Variants in ZSWIM6 observed in about 807,000 individuals in gnomAD.
ZSWIM6 encodes the protein zinc finger SWIM domain-containing protein 6.
A neutral mutation model predicts 113.2 loss-of-function variants in ZSWIM6; 9 were observed. That is an observed-to-expected ratio of 0.08 (90% CI 0.05 to 0.14). ZSWIM6 has a LOEUF of 0.14. Ranked by LOEUF, ZSWIM6 falls within the 10% of genes least tolerant of loss-of-function variation. The pLI is 1.00. For synonymous variants in ZSWIM6, 611 were observed against 606.5 expected (o/e 1.01, Z -0.11); for missense variants, 1,162 against 1,552.2 (o/e 0.75, Z 4.22).
intron 9 of ZSWIM6, among the ~76,000 whole-genome samples, chr5:61,535,025 A>G (rs1282186954): frequency 1.3e-5 from 2 of 152,152 alleles, no homozygotes; most frequent in Non-Finnish European, 2.9e-5. Flanking sequence ...GATACAGAGC[A>G]CCATTTTCTG....
intron 1 of ZSWIM6, among the ~76,000 whole-genome samples, chr5:61,363,495 T>C (rs775837063): frequency 6.4e-4 from 98 of 152,218 alleles, no homozygotes; most frequent in Admixed American, 4.6e-4. Flanking sequence ...ATCTCATCTC[T>C]GATCCCAAAG....
intron 1 of ZSWIM6, among the ~76,000 whole-genome samples, chr5:61,356,928 A>C (rs74736625): frequency 6.6e-6 from 1 of 150,744 alleles, no homozygotes; most frequent in Non-Finnish European, 1.5e-5. Flanking sequence ...GGATTTTACT[A>C]TCCAGTTTAT....
chr5:61,336,871 T>G (rs1744410498), intron 1 of ZSWIM6, among the ~76,000 whole-genome samples: 1 of 152,118 alleles, frequency 6.6e-6, no homozygotes, highest in Non-Finnish European at 1.5e-5. Context: ...GGTAGAAAAC[T>G]TACAAAAATT....
intron 1 of ZSWIM6, among the ~76,000 whole-genome samples, chr5:61,388,030 T>C (rs1162376754): frequency 7.0e-6 from 1 of 142,424 alleles, no homozygotes; most frequent in Admixed American, 7.3e-5. Flanking sequence ...TTGCCCAGGC[T>C]GGAGTGCAGT....
At chr5:61,487,818 C>A (rs75650920) in intron 2 of ZSWIM6, among the ~76,000 whole-genome samples, 1 of 151,916 alleles carries the variant, frequency 6.6e-6, no homozygotes, top group Non-Finnish European at 1.5e-5. Flanking sequence ...TTGTATCATC[C>A]GTGAACAGGG....
intron 1 of ZSWIM6, among the ~76,000 whole-genome samples, chr5:61,418,578 A>C (rs1271799059): frequency 6.6e-6 from 1 of 151,884 alleles, no homozygotes; most frequent in African/African-American, 2.4e-5. Flanking sequence ...ATTTTTATTT[A>C]AATGAAACCT....
intron 1 of ZSWIM6, among the ~76,000 whole-genome samples, chr5:61,334,920 C>G (rs891700315): frequency 5.9e-5 from 9 of 151,854 alleles, no homozygotes; most frequent in African/African-American, 9.7e-5. Context: ...CCTCCCTCTC[C>G]CTGTGCTTGA....
At chr5:61,455,620 G>T (rs1747188698) in intron 1 of ZSWIM6, among the ~76,000 whole-genome samples, 1 of 152,192 alleles carries the variant, frequency 6.6e-6, no homozygotes, top group Admixed American at 6.5e-5. Context: ...AGGAGAGAGG[G>T]AGCAGACGGA....
At chr5:61,441,702 A>G (rs182972924) in intron 1 of ZSWIM6, among the ~76,000 whole-genome samples, 76 of 152,278 alleles carry the variant, frequency 5.0e-4, no homozygotes, top group African/African-American at 1.6e-3. Context: ...CCTGTAGTTA[A>G]GACTCAATTT....
At chr5:61,394,458 A>G (rs775362894) in intron 1 of ZSWIM6, among the ~76,000 whole-genome samples, 1 of 152,202 alleles carries the variant, frequency 6.6e-6, no homozygotes, top group Non-Finnish European at 1.5e-5. Flanking sequence ...TTCCTCCAGT[A>G]TTGACTGTTT....
chr5:61,403,145 T>C (rs1353362323), intron 1 of ZSWIM6, among the ~76,000 whole-genome samples: 2 of 152,236 alleles, frequency 1.3e-5, no homozygotes, highest in African/African-American at 2.4e-5. Flanking sequence ...TCAGACTTAA[T>C]TGAGGACACA....
At chr5:61,494,120 C>A in intron 3 of ZSWIM6, 140 bp from the exon 4 acceptor site, 1 of 895,236 alleles carries the variant, frequency 1.1e-6, no homozygotes, top group Non-Finnish European at 1.6e-6. Flanking sequence ...GCCTATCCTC[C>A]ACCACACACA....
At chr5:61,390,324 T>C (rs527600081) in intron 1 of ZSWIM6, among the ~76,000 whole-genome samples, 7 of 152,368 alleles carry the variant, frequency 4.6e-5, no homozygotes, top group Admixed American at 3.3e-4. Context: ...GGAATAAAAT[T>C]ACTAGAATTC....
intron 1 of ZSWIM6, among the ~76,000 whole-genome samples, chr5:61,400,482 G>C (rs1745923134): frequency 6.6e-6 from 1 of 152,188 alleles, no homozygotes; most frequent in South Asian, 2.1e-4. Context: ...ACTGTAATTT[G>C]ATGAGTACAG....
intron 9 of ZSWIM6, among the ~76,000 whole-genome samples, chr5:61,532,467 A>G (rs1395471140): frequency 6.6e-6 from 1 of 152,086 alleles, no homozygotes; most frequent in African/African-American, 2.4e-5. Flanking sequence ...TCTCTCAAGT[A>G]TATGTGTGTT....
chr5:61,409,469 G>A (rs543624159), intron 1 of ZSWIM6, among the ~76,000 whole-genome samples: 3 of 152,130 alleles, frequency 2.0e-5, no homozygotes, highest in Non-Finnish European at 2.9e-5. Context: ...CCACCTTTGC[G>A]CAAGATAGTT....
At chr5:61,486,391 G>T (rs1202854820) in intron 2 of ZSWIM6, among the ~76,000 whole-genome samples, 1 of 151,574 alleles carries the variant, frequency 6.6e-6, no homozygotes, top group African/African-American at 2.4e-5. Context: ...CATGAAAAAT[G>T]CTGTGATATA....
At position 61,472,531 on chromosome 5, in the gene ZSWIM6, G is replaced by T. The variant is rs745515754; in HGVS notation, c.677-150G>T. On this transcript the variant is annotated intron_variant, in intron 1 of 13. Coordinates refer to ENST00000252744, the MANE Select transcript of ZSWIM6 (RefSeq NM_020928.2). This position sits in a 1 kb window ranked among gnomAD's most constrained non-coding sequence, Gnocchi z 4.1. ...TACCTGTAAGGGGGTGGTGGTAGTG[G>T]TTAGTGGCCTGAATGTTTTTACTTG... The T allele has an allele frequency of 2.4e-4, 137 of 566,086 alleles. No homozygotes were observed. Among genetic ancestry groups the T allele is most frequent in the Non-Finnish European group, 3.8e-4 (123 of 325,408 alleles). 35.1% of individuals were successfully genotyped at this position (566,086 alleles called of 1,614,324 possible). A position where few individuals can be genotyped will look rare whatever the true frequency, so the allele number is the denominator to read the frequency against.
rs1744601371 is a variant in ZSWIM6 at position 61,343,981 on chromosome 5, C to G, written c.676+11033C>G. On this transcript the variant is annotated intron_variant, in intron 1 of 13. Transcript: ENST00000252744. The stretch of plus-strand genomic sequence containing the variant: ...GGCTCACTGCAGTCTCCAATCTCCA[C>G]TTCCTGGGCTAAAGTGATTCTTCTG... Among the ~76,000 whole-genome samples the G allele has an allele frequency of 2.0e-5, 3 of 151,728 alleles. No homozygotes were observed. The South Asian group carries it at 6.2e-4, about 32-fold the overall frequency.
Sources: gnomAD v4.1 joint callset for allele counts (sites outside exome capture counted in the v4.1 genomes callset) on GRCh38, gnomAD v4.1.1 for gene constraint, Gnocchi (gnomAD v3.1) non-coding constraint, MANE v1.5 for transcripts, NCBI Gene and HGNC (gene_info 2026-07-23, HGNC 2026-07-21) for gene names.